The following DPY19L3 variants were observed in gnomAD, a reference collection of about 807,000 sequenced individuals.
DPY19L3 encodes dpy-19 like C-mannosyltransferase 3.
DPY19L3 carries 51 observed loss-of-function variants against 92.3 expected under a neutral mutation model. That is an observed-to-expected ratio of 0.55 (90% CI 0.44 to 0.70). The LOEUF is 0.70. DPY19L3 is among the 30% of genes least tolerant of loss of function. DPY19L3 has a pLI of 0.00. For synonymous variants in DPY19L3, 309 were observed against 315.2 expected, an observed-to-expected ratio of 0.98 and a Z score of 0.21; for missense variants, 706 against 855.9, an observed-to-expected ratio of 0.82 and a Z score of 2.18.
chr19:32,445,440 C>CAAAAAAAAAAAAA lies in DPY19L3; in HGVS notation c.855+5539_855+5551dup, dbSNP rs71336904. On this transcript the variant is annotated intron_variant, in intron 8 of 18. Coordinates refer to ENST00000392250, the MANE Select transcript of DPY19L3 (RefSeq NM_001172774.2). ...TGGGGGACAGAGCGAGACTTCATCT[C>CAAAAAAAAAAAAA]AAAAAAAAAAAAAAAAAAAAACCAT... 6.9e-3 allele frequency among the ~76,000 whole-genome samples: 294 copies of CAAAAAAAAAAAAA among 42,820 alleles called. 80 individuals carry two copies. The highest frequency in any genetic ancestry group is 0.026 in the African/African-American group (230 of 8,722). The allele number at this position is 42,820 out of a possible 152,430, so 28.1% of individuals were successfully genotyped here.
chr19:32,447,840 A>AG (rs1969565779), intron 8 of DPY19L3, among the ~76,000 whole-genome samples: 1 of 152,036 alleles, frequency 6.6e-6, no homozygotes, highest in Admixed American at 6.6e-5. Context: ...AGATAGATAG[A>AG]TAGATAGATA....
At chr19:32,437,600 G>C (rs1245625049) in intron 6 of DPY19L3, among the ~76,000 whole-genome samples, 2 of 152,054 alleles carry the variant, frequency 1.3e-5, no homozygotes, top group Non-Finnish European at 2.9e-5. Flanking sequence ...CCTATTATCT[G>C]TTTGCTGGGT....
At position 32,483,277 on chromosome 19, in the gene DPY19L3, G is replaced by GC. The variant is rs1174471690; in HGVS notation, c.*1040dup. 1 of 152,518 alleles carries GC rather than the reference G, an allele frequency of 6.6e-6. No individual in the cohort carries two copies. Among genetic ancestry groups the GC allele is most frequent in the Non-Finnish European group, 1.5e-5 (1 of 68,032 alleles). The allele number at this position is 152,518 out of a possible 1,614,324, so 9.4% of individuals were successfully genotyped here. A position where few individuals can be genotyped will look rare whatever the true frequency, so the allele number is the denominator to read the frequency against. The stretch of plus-strand genomic sequence containing the variant: ...TGTGGTCTCCAATCTTACTGGGAAG[G>GC]CCCTGGTAGTGTAATTCTTTTCCTT... On this transcript the variant is annotated 3_prime_UTR_variant, in exon 19 of 19. Coordinates refer to ENST00000392250, the MANE Select transcript of DPY19L3 (RefSeq NM_001172774.2).
intron 16 of DPY19L3, among the ~76,000 whole-genome samples, chr19:32,475,771 G>GA (rs1301244724): frequency 6.6e-6 from 1 of 152,210 alleles, no homozygotes; most frequent in Non-Finnish European, 1.5e-5. Context: ...CAGAATGTGA[G>GA]AGAGTCCCTG....
intron 3 of DPY19L3, among the ~76,000 whole-genome samples, chr19:32,421,604 G>A (rs548728770): frequency 6.7e-6 from 1 of 148,964 alleles, no homozygotes; most frequent in East Asian, 2.0e-4. Context: ...CTCCAGCCTG[G>A]GTGACAAAGC....
At chr19:32,469,325 C>T (rs1010300187) in intron 16 of DPY19L3, among the ~76,000 whole-genome samples, 4 of 151,762 alleles carry the variant, frequency 2.6e-5, no homozygotes, top group South Asian at 2.1e-4. Context: ...GATGAAACCC[C>T]GTCTGTCTCT....
intron 15 of DPY19L3, 59 bp from the exon 16 acceptor site, chr19:32,468,672 T>C (rs1970265601): frequency 2.5e-6 from 4 of 1,590,482 alleles, no homozygotes; most frequent in African/African-American, 2.7e-5. Flanking sequence ...TTAATCTTAG[T>C]GATAGTTGTG....
At chr19:32,459,009 T>C (rs1254209992) in intron 12 of DPY19L3, among the ~76,000 whole-genome samples, 1 of 152,214 alleles carries the variant, frequency 6.6e-6, no homozygotes, top group Non-Finnish European at 1.5e-5. Flanking sequence ...GCTGCTTTTT[T>C]GTATTGCTCT....
chr19:32,464,224 AAAG>A (rs1970132125), intron 14 of DPY19L3, among the ~76,000 whole-genome samples: 1 of 152,170 alleles, frequency 6.6e-6, no homozygotes, highest in African/African-American at 2.4e-5. Context: ...AATACAAAAA[AAAG>A]CACAAAAGGG....
rs374185599 is a variant in DPY19L3, at chr19:32,453,182, T to C, written c.893T>C (p.Leu298Pro). Residue 298 changes from leucine to proline, a missense_variant, in exon 9 of 19, where the codon CTC (leucine) becomes CCC (proline). Leu to Pro is a moderately conservative substitution (Grantham distance 98). Coordinates refer to ENST00000392250, the MANE Select transcript of DPY19L3 (RefSeq NM_001172774.2). ...WLYGIQITSL[L>P]LVCILQFFNS... The stretch of plus-strand genomic sequence containing the variant: ...TATGGAATACAGATAACAAGTTTAC[T>C]CCTGGTCTGCATTCTTCAGTTTTTT... 2.4e-5 allele frequency: 39 copies of C among 1,614,060 alleles called. No individual in the cohort carries two copies. Among genetic ancestry groups the C allele is most frequent in the Non-Finnish European group, 7.6e-6 (9 of 1,180,018 alleles).
chr19:32,478,797 G>C (rs11883098), intron 17 of DPY19L3, among the ~76,000 whole-genome samples: 1,773 of 152,284 alleles, frequency 0.012, 35 homozygotes, highest in African/African-American at 0.04. Context: ...AGCCATTTCT[G>C]CTGTTTCCCT....
chr19:32,466,733 A>G (rs1970214499), intron 15 of DPY19L3, among the ~76,000 whole-genome samples: 1 of 152,252 alleles, frequency 6.6e-6, no homozygotes, highest in Admixed American at 6.5e-5. Flanking sequence ...GAATCCTCCA[A>G]AAGACTGTTG....
rs1305199355 is a variant in DPY19L3 at position 32,458,485 on chromosome 19, T to G, written c.1298T>G (p.Phe433Cys). ...CTGTCCATCACAGTGATTGTAGCAT[T>G]CGTTGTTGCCTTTCATAATCTCAGG... ...FVLSITVIVA[F>C]VVAFHNLSDS... The change falls in exon 12 of 19, where the codon TTC becomes TGC. Residue 433 changes from phenylalanine (F) to cysteine (C), a missense_variant. Coordinates refer to ENST00000392250, the MANE Select transcript of DPY19L3 (RefSeq NM_001172774.2). The G allele has an allele frequency of 3.7e-6, 6 of 1,611,804 alleles. No individual in the cohort carries two copies. The highest frequency in any genetic ancestry group is 5.1e-6 in the Non-Finnish European group (6 of 1,179,562).
At chr19:32,463,214 C>T in intron 12 of DPY19L3, 152 bp from the exon 13 acceptor site, 1 of 832,600 alleles carries the variant, frequency 1.2e-6, no homozygotes, top group Non-Finnish European at 1.8e-6. Flanking sequence ...CTCATAAATT[C>T]AAAATTGATC....
intron 9 of DPY19L3, 89 bp downstream of exon 9, chr19:32,453,365 G>A: frequency 7.5e-7 from 1 of 1,333,082 alleles, no homozygotes; most frequent in Non-Finnish European, 1.0e-6. Flanking sequence ...CATACAAAGG[G>A]AAATTTACAA....
intron 16 of DPY19L3, among the ~76,000 whole-genome samples, chr19:32,470,305 G>A (rs1350305648): frequency 6.6e-6 from 1 of 152,174 alleles, no homozygotes; most frequent in Non-Finnish European, 1.5e-5. Flanking sequence ...AATTACTTTT[G>A]CATTAACTAT....
chr19:32,415,288 G>C (rs554614462), intron 3 of DPY19L3, among the ~76,000 whole-genome samples: 12 of 152,302 alleles, frequency 7.9e-5, no homozygotes, highest in African/African-American at 2.9e-4. Context: ...GGCTTTTCTA[G>C]AGGAAATGAT....
rs1970775886 is a variant in DPY19L3 at position 32,485,520 on chromosome 19, AT to A, written c.*3282del. 1 of 152,212 alleles carries A rather than the reference AT, an allele frequency of 6.6e-6. No individual in the cohort carries two copies. The highest frequency in any genetic ancestry group is 1.5e-5 in the Non-Finnish European group (1 of 68,032). 9.4% of individuals were successfully genotyped at this position (152,212 alleles called of 1,614,324 possible). Reference sequence around the variant, plus strand: ...CAGTTAACTAAAAGTAAAAATGTCTATTCTGATTCCATATTGATTTTGTCTA... The same window carrying A: ...CAGTTAACTAAAAGTAAAAATGTCTATCTGATTCCATATTGATTTTGTCTA... On this transcript the variant is annotated 3_prime_UTR_variant, in exon 19 of 19. Coordinates refer to ENST00000392250, the MANE Select transcript of DPY19L3 (RefSeq NM_001172774.2).
intron 18 of DPY19L3, chr19:32,481,832 C>G (rs1032901274): frequency 2.0e-5 from 9 of 459,100 alleles, no homozygotes; most frequent in African/African-American, 9.9e-5. Flanking sequence ...GACCTGAGTT[C>G]TAGTTCTGGC....
Sources: gnomAD v4.1 joint callset for allele counts (sites outside exome capture counted in the v4.1 genomes callset) on GRCh38, gnomAD v4.1.1 for gene constraint, MANE v1.5 for transcripts, NCBI Gene and HGNC (gene_info 2026-07-23, HGNC 2026-07-21) for gene names.